The following TBC1D5 variants were observed in gnomAD, a reference collection of about 807,000 sequenced individuals.
The protein encoded by TBC1D5 is TBC1 domain family member 5.
Under a neutral mutation model 100.3 loss-of-function variants are expected in TBC1D5, and 75 were observed. That is an observed-to-expected ratio of 0.75 (90% CI 0.62 to 0.91). The LOEUF is 0.91. TBC1D5 is among the 40% of genes least tolerant of loss of function. The pLI is 0.00. For synonymous variants in TBC1D5, 323 were observed against 325.6 expected, an observed-to-expected ratio of 0.99 and a Z score of 0.09; for missense variants, 910 against 942.4, an observed-to-expected ratio of 0.97 and a Z score of 0.45.
At chr3:17,263,143 G>T (rs1254106065) in intron 15 of TBC1D5, among the ~76,000 whole-genome samples, 1 of 151,918 alleles carries the variant, frequency 6.6e-6, no homozygotes, top group African/African-American at 2.4e-5. Context: ...GTTTGAGGCT[G>T]CAGTGAACTA....
chr3:17,604,425 G>A (rs888739958), intron 2 of TBC1D5, among the ~76,000 whole-genome samples: 1 of 152,148 alleles, frequency 6.6e-6, no homozygotes, highest in Non-Finnish European at 1.5e-5. Context: ...AGAGCTCAGA[G>A]GGTAACAAGA....
intron 4 of TBC1D5, among the ~76,000 whole-genome samples, chr3:17,410,223 G>A (rs949065617): frequency 2.0e-5 from 3 of 152,092 alleles, no homozygotes; most frequent in Admixed American, 2.0e-4. Context: ...ACAAAGCCTG[G>A]ATGATAGCAT....
chr3:17,314,781 A>G (rs2084469749), intron 13 of TBC1D5, among the ~76,000 whole-genome samples: 1 of 152,198 alleles, frequency 6.6e-6, no homozygotes, highest in African/African-American at 2.4e-5. Context: ...CCTAAAATCT[A>G]CCATGCATTC....
chr3:17,477,495 G>C (rs918736315), intron 3 of TBC1D5, among the ~76,000 whole-genome samples: 3 of 151,686 alleles, frequency 2.0e-5, no homozygotes, highest in Non-Finnish European at 4.4e-5. Context: ...TTTCTGTCTG[G>C]GATTATAATT....
chr3:17,331,325 T>G (rs957638415), intron 13 of TBC1D5, among the ~76,000 whole-genome samples: 2 of 152,204 alleles, frequency 1.3e-5, no homozygotes, highest in Non-Finnish European at 2.9e-5. Context: ...ATCAAGTCTT[T>G]AATCTTTTGC....
chr3:17,185,965 C>CT (rs199872710), intron 18 of TBC1D5, among the ~76,000 whole-genome samples: 12,471 of 125,720 alleles, frequency 0.099, 1,600 homozygotes, highest in African/African-American at 0.31. Flanking sequence ...TTTTTCTTTT[C>CT]TTTTTTTTTT....
At chr3:17,476,209 T>G (rs192563154) in intron 3 of TBC1D5, among the ~76,000 whole-genome samples, 6 of 152,000 alleles carry the variant, frequency 3.9e-5, no homozygotes, top group Admixed American at 2.6e-4. Flanking sequence ...TAATTCTATA[T>G]ATATATTTTT....
chr3:17,311,718 G>T (rs1320927244), intron 13 of TBC1D5, among the ~76,000 whole-genome samples: 2 of 151,948 alleles, frequency 1.3e-5, no homozygotes, highest in African/African-American at 4.8e-5. Flanking sequence ...TCCATTAATG[G>T]CTCTTTAGTG....
At chr3:17,557,801 A>G (rs996314410) in intron 2 of TBC1D5, among the ~76,000 whole-genome samples, 1 of 152,192 alleles carries the variant, frequency 6.6e-6, no homozygotes, top group Non-Finnish European at 1.5e-5. Flanking sequence ...AAAATTTATC[A>G]GGACATAAAT....
chr3:17,301,212 A>G (rs1466123956), intron 14 of TBC1D5, among the ~76,000 whole-genome samples: 3 of 152,234 alleles, frequency 2.0e-5, no homozygotes, highest in Admixed American at 6.5e-5. Flanking sequence ...GCAATTTACA[A>G]GACAAATAAA....
chr3:17,524,027 C>T (rs889626977), intron 2 of TBC1D5, among the ~76,000 whole-genome samples: 3 of 152,050 alleles, frequency 2.0e-5, no homozygotes, highest in Non-Finnish European at 2.9e-5. Flanking sequence ...ATTTGATCAT[C>T]CCAACCATCT....
At chr3:17,640,771 T>C (rs1029217181) in intron 1 of TBC1D5, among the ~76,000 whole-genome samples, 20 of 151,996 alleles carry the variant, frequency 1.3e-4, no homozygotes, top group African/African-American at 4.1e-4. Context: ...AGAAAAGAAA[T>C]AACTTGAAAT....
rs369159514 is a variant in TBC1D5 at position 17,211,433 on chromosome 3, T to C, written c.1752+2774A>G. On this transcript the variant is annotated intron_variant, in intron 18 of 21. Transcript: ENST00000253692. Reference sequence around the variant, plus strand: ...TCCAGTAGGGTGGTTCACATTGGAATGTGCCTGATCTCTCAGACCACAGAC... The same window carrying C: ...TCCAGTAGGGTGGTTCACATTGGAACGTGCCTGATCTCTCAGACCACAGAC... Among the ~76,000 whole-genome samples the C allele has an allele frequency of 5.9e-5, 9 of 152,344 alleles. No individual in the cohort carries two copies. In the South Asian group the frequency reaches 6.2e-4, roughly 11 times the overall value.
At chr3:17,204,270 C>T (rs1294976361) in intron 18 of TBC1D5, among the ~76,000 whole-genome samples, 1 of 152,178 alleles carries the variant, frequency 6.6e-6, no homozygotes, top group Non-Finnish European at 1.5e-5. Flanking sequence ...CCTCCAATTG[C>T]CCAGACAAGT....
intron 10 of TBC1D5, among the ~76,000 whole-genome samples, chr3:17,376,123 T>C (rs1302260228): frequency 6.6e-6 from 1 of 152,178 alleles, no homozygotes; most frequent in East Asian, 1.9e-4. Context: ...TGAATTAAGC[T>C]GAGTCAAACC....
intron 3 of TBC1D5, among the ~76,000 whole-genome samples, chr3:17,432,449 C>T (rs947406580): frequency 6.6e-6 from 1 of 152,178 alleles, no homozygotes; most frequent in African/African-American, 2.4e-5. Flanking sequence ...GTAGCCACAT[C>T]ATTTGTGAAA....
Position 17,368,361 on chromosome 3 carries a change from C to A in TBC1D5, c.995+3714G>T, listed in dbSNP as rs2092286165. ...GTACATACTTAGGGCACATCTCCCA[C>A]CTCAGGAGATATTAACATATATTCT... On this transcript the variant is annotated intron_variant, in intron 13 of 21. Transcript: ENST00000253692. Among the ~76,000 whole-genome samples, 4 of 152,042 alleles carry A rather than the reference C, an allele frequency of 2.6e-5. No individual in the cohort carries two copies. The South Asian group carries it at 8.3e-4, about 31-fold the overall frequency.
intron 10 of TBC1D5, among the ~76,000 whole-genome samples, chr3:17,375,856 T>A (rs1460917275): frequency 6.6e-6 from 1 of 152,176 alleles, no homozygotes; most frequent in Non-Finnish European, 1.5e-5. Context: ...AAGTTTTCTG[T>A]TTACTGCATA....
At chr3:17,263,393 G>GA (rs1353888131) in intron 15 of TBC1D5, among the ~76,000 whole-genome samples, 2 of 140,028 alleles carry the variant, frequency 1.4e-5, no homozygotes, top group South Asian at 2.3e-4. Context: ...AAAAGAGAAA[G>GA]AAAAAAAAGA....
Sources: allele counts gnomAD v4.1 joint callset (sites outside exome capture counted in the v4.1 genomes callset), GRCh38; gene constraint gnomAD v4.1.1; transcripts MANE v1.5; gene names NCBI Gene and HGNC (gene_info 2026-07-23, HGNC 2026-07-21).